ZFHX4: variants seen among roughly 807,000 people sequenced by gnomAD.
ZFHX4 encodes zinc finger homeobox 4.
Under a neutral mutation model 267.6 loss-of-function variants are expected in ZFHX4, and 56 were observed. The observed-to-expected ratio is 0.21, with a 90% CI of 0.17 to 0.26. ZFHX4 has a LOEUF of 0.26. ZFHX4 is among the 10% of genes least tolerant of loss of function. The pLI, the probability that ZFHX4 is intolerant of heterozygous loss-of-function variation, is 1.00. For synonymous variants in ZFHX4, 1,778 were observed against 1,665.6 expected (o/e 1.07, Z -1.64); for missense variants, 4,332 against 4,420.0 (o/e 0.98, Z 0.56).
intron 3 of ZFHX4, among the ~76,000 whole-genome samples, chr8:76,719,514 C>CTT (rs758788599): frequency 6.6e-6 from 1 of 150,480 alleles, no homozygotes; most frequent in Non-Finnish European, 1.5e-5. Flanking sequence ...GACAGTAAGC[C>CTT]TTTTCTTTTT....
In ZFHX4 at chr8:76,785,477, A is replaced by C. The variant is rs1249300471; in HGVS notation, c.3325+7038A>C. 3.3e-5 allele frequency among the ~76,000 whole-genome samples: 5 copies of C among 152,168 alleles called. No individual in the cohort carries two copies. In the East Asian group the frequency reaches 7.7e-4, roughly 23 times the overall value. On this transcript the variant is annotated intron_variant, in intron 4 of 10. Transcript: ENST00000651372. ...CCCATTGGGAGAGGAGGGAAAAAAAACCTATTTTTAGAATAAATGTTATAA... is the reference window on the plus strand; with the variant it reads ...CCCATTGGGAGAGGAGGGAAAAAAACCCTATTTTTAGAATAAATGTTATAA...
At chr8:76,822,470 T>C (rs1472455799) in intron 4 of ZFHX4, among the ~76,000 whole-genome samples, 1 of 149,462 alleles carries the variant, frequency 6.7e-6, no homozygotes, top group East Asian at 1.9e-4. Context: ...TTTTTTTTTT[T>C]TTTTGAGATG....
chr8:76,719,385 G>T (rs1343649883), intron 3 of ZFHX4, among the ~76,000 whole-genome samples: 2 of 151,986 alleles, frequency 1.3e-5, no homozygotes, highest in Admixed American at 1.3e-4. Flanking sequence ...GACTCGTCAA[G>T]AAGCACTGAA....
chr8:76,772,751 A>G (rs1198496663), intron 3 of ZFHX4, among the ~76,000 whole-genome samples: 1 of 152,106 alleles, frequency 6.6e-6, no homozygotes, highest in Non-Finnish European at 1.5e-5. Context: ...TATTCAATGT[A>G]CTTCATCCTC....
chr8:76,863,013 T>G, intron 10 of ZFHX4, 81 bp from the exon 11 acceptor site: 1 of 1,434,586 alleles, frequency 7.0e-7, no homozygotes, highest in Non-Finnish European at 9.1e-7. Context: ...CCTTAGTGAG[T>G]TCTATTTAGG....
At chr8:76,833,282 G>T in intron 4 of ZFHX4, 56 bp from the exon 5 acceptor site, 1 of 1,491,166 alleles carries the variant, frequency 6.7e-7, no homozygotes, top group Non-Finnish European at 9.3e-7. Context: ...TATTAGCCAT[G>T]ATGAGAGAGC....
At chr8:76,849,335 C>T (rs1340891673) in intron 7 of ZFHX4, among the ~76,000 whole-genome samples, 177 bp from the exon 8 acceptor site, 1 of 152,174 alleles carries the variant, frequency 6.6e-6, no homozygotes. Flanking sequence ...TTGGAATGGT[C>T]TTAGTACAAG....
At chr8:76,816,458 CCTT>C (rs1811508313) in intron 4 of ZFHX4, among the ~76,000 whole-genome samples, 1 of 152,192 alleles carries the variant, frequency 6.6e-6, no homozygotes, top group South Asian at 2.1e-4. Flanking sequence ...TGTTTTGTCT[CCTT>C]CTCCAGATTC....
intron 3 of ZFHX4, among the ~76,000 whole-genome samples, chr8:76,713,824 T>C (rs879781972): frequency 1.3e-5 from 2 of 152,068 alleles, no homozygotes; most frequent in African/African-American, 2.4e-5. Flanking sequence ...GGAGTGATTA[T>C]GTCAGGGATT....
chr8:76,829,680 G>A (rs114870101), intron 4 of ZFHX4, among the ~76,000 whole-genome samples: 8,461 of 152,110 alleles, frequency 0.056, 625 homozygotes, highest in East Asian at 0.38. Flanking sequence ...ATGGTAGTGC[G>A]TGGCTATAAT....
In ZFHX4 at chr8:76,709,051, A is replaced by G. The variant is rs191015600; in HGVS notation, c.3093+1003A>G. Among the ~76,000 whole-genome samples the G allele has an allele frequency of 7.2e-5, 11 of 152,322 alleles. No homozygotes were observed. The East Asian group carries it at 2.1e-3, about 29-fold the overall frequency. ...ACTAGAAATCAGTGTTAACTATACT[A>G]TCAGGAGTCAACCAGTGATTATCAA... On this transcript the variant is annotated intron_variant, in intron 3 of 10. Transcript: ENST00000651372.
intron 3 of ZFHX4, among the ~76,000 whole-genome samples, chr8:76,757,311 G>C (rs75053802): frequency 0.046 from 6,943 of 152,254 alleles, 161 homozygotes; most frequent in East Asian, 0.099. Flanking sequence ...CCCGAGAACA[G>C]AGTTAGTAAA....
At chr8:76,764,247 TG>T (rs535845695) in intron 3 of ZFHX4, among the ~76,000 whole-genome samples, 1 of 152,182 alleles carries the variant, frequency 6.6e-6, no homozygotes, top group South Asian at 2.1e-4. Flanking sequence ...GATGACTAAT[TG>T]AGATTACTTT....
intron 6 of ZFHX4, among the ~76,000 whole-genome samples, chr8:76,845,199 T>C (rs561786925): frequency 6.6e-6 from 1 of 152,212 alleles, no homozygotes; most frequent in African/African-American, 2.4e-5. Context: ...GACGTGGCAA[T>C]ATGCAAGTTA....
chr8:76,819,917 G>A (rs1198692679), intron 4 of ZFHX4, among the ~76,000 whole-genome samples: 1 of 152,178 alleles, frequency 6.6e-6, no homozygotes, highest in African/African-American at 2.4e-5. Context: ...GACTTCTAGA[G>A]TATTTAGGGT....
chr8:76,719,043 T>C (rs1808650388), intron 3 of ZFHX4, among the ~76,000 whole-genome samples: 1 of 151,458 alleles, frequency 6.6e-6, no homozygotes, highest in Admixed American at 6.6e-5. Context: ...TCTCCTGTGT[T>C]AGATGATAAA....
At chr8:76,833,234 C>T (rs1432794522) in intron 4 of ZFHX4, 104 bp from the exon 5 acceptor site, 4 of 814,746 alleles carry the variant, frequency 4.9e-6, no homozygotes, top group Non-Finnish European at 8.2e-6. Flanking sequence ...TCACCTGATA[C>T]TTATCTCTCC....
At chr8:76,798,082 G>C (rs975510665) in intron 4 of ZFHX4, among the ~76,000 whole-genome samples, 1 of 152,038 alleles carries the variant, frequency 6.6e-6, no homozygotes, top group Non-Finnish European at 1.5e-5. Flanking sequence ...AAAGAATAAG[G>C]CATCATAGCA....
chr8:76,717,995 T>C (rs918618052), intron 3 of ZFHX4, among the ~76,000 whole-genome samples: 7 of 152,216 alleles, frequency 4.6e-5, no homozygotes, highest in Admixed American at 1.3e-4. Context: ...CACTAGCATA[T>C]GTCCTTAGGG....
Sources: allele counts gnomAD v4.1 joint callset (sites outside exome capture counted in the v4.1 genomes callset), GRCh38; gene constraint gnomAD v4.1.1; transcripts MANE v1.5; gene names NCBI Gene and HGNC (gene_info 2026-07-23, HGNC 2026-07-21).